Variants in SCAF4 observed in about 807,000 individuals in gnomAD.
SCAF4 encodes the protein SR-related CTD associated factor 4, also known as SR-related and CTD-associated factor 4.
A neutral mutation model predicts 129.8 loss-of-function variants in SCAF4; 25 were observed. The observed-to-expected ratio is 0.19, with a 90% CI of 0.14 to 0.27. The LOEUF is 0.27. SCAF4 is among the 10% of genes least tolerant of loss of function. The pLI, the probability that SCAF4 is intolerant of heterozygous loss-of-function variation, is 1.00. For missense variants in SCAF4, 1,246 were observed against 1,457.1 expected, an observed-to-expected ratio of 0.86 and a Z score of 2.36; for synonymous variants, 551 against 497.7, an observed-to-expected ratio of 1.11 and a Z score of -1.43.
In SCAF4 at chr21:31,722,796, T is replaced by C. The variant is rs149112861; in HGVS notation, c.30+8867A>G. Among the ~76,000 whole-genome samples, 64 of 152,028 alleles carry C rather than the reference T, an allele frequency of 4.2e-4. 2 individuals are homozygous for C. The highest frequency in any genetic ancestry group is 1.5e-3 in the African/African-American group (62 of 41,458). On this transcript the variant is annotated intron_variant, in intron 1 of 19. Coordinates refer to ENST00000286835, the MANE Select transcript of SCAF4 (RefSeq NM_020706.2). ...TGAGAAACCCCGTCTCTACTAAAAA[T>C]ACAAAAATTAGCCGGGTGTGGTGGC...
At chr21:31,676,669 T>G (rs1379743338) in intron 19 of SCAF4, among the ~76,000 whole-genome samples, 1 of 152,234 alleles carries the variant, frequency 6.6e-6, no homozygotes. Context: ...CTGTCTACTC[T>G]TAGTTGTTTT....
Position 31,696,223 on chromosome 21 carries a change from TA to T in SCAF4, c.960-3del, listed in dbSNP as rs2050382336. On this transcript the variant is annotated splice_polypyrimidine_tract_variant and splice_region_variant and intron_variant, in intron 8 of 19. Transcript: ENST00000286835. ...TGCATGCCATCTCCAGGAAAGCCAC[TA>T]AAAAAAGGTGGATAATCTTTTACCC... is the stretch of plus-strand genomic sequence containing the variant. 2.5e-6 allele frequency: 4 copies of T among 1,609,212 alleles called. No individual in the cohort carries two copies. Among genetic ancestry groups the T allele is most frequent in the African/African-American group, 1.3e-5 (1 of 74,590 alleles).
rs1412402866 is a variant in SCAF4, at chr21:31,694,243, A to G, written c.1283T>C (p.Met428Thr). 2 of 1,610,800 alleles carry G rather than the reference A, an allele frequency of 1.2e-6. No individual in the cohort carries two copies. The highest frequency in any genetic ancestry group is 1.7e-6 in the Non-Finnish European group (2 of 1,177,732). Residue 428 changes from methionine to threonine, a missense_variant, in exon 11 of 20, where the codon ATG becomes ACG. Met to Thr is a moderately conservative substitution (Grantham distance 81). This residue lies in a region of SCAF4 where 236 missense variants were observed against 210.0 expected (regional missense o/e 1.12). Transcript: ENST00000286835. ...QPCIQEVKRH[M>T]SDNRKSRSRS... ...AGATCTTGACTTTCTGTTATCAGAC[A>G]TATGTCGCTTAACCTCTTGAATACA...
Position 31,671,501 on chromosome 21 carries a change from A to C in SCAF4, c.3342T>G (p.Ser1114=). ...DTASELEKGV[S]EAAVLKPSEE... is the part of the protein sequence containing the mutation. ...CAGAAGGCTTTAGGACTGCAGCCTC[A>C]GACACCCCCTTCTCAAGTTCTGAAG... Residue 1114 remains serine (S), a synonymous_variant, in exon 20 of 20, where the codon TCT becomes TCG. Transcript: ENST00000286835. The C allele has an allele frequency of 1.2e-6, 2 of 1,614,188 alleles. No homozygotes were observed. The highest frequency in any genetic ancestry group is 1.7e-6 in the Non-Finnish European group (2 of 1,180,024).
chr21:31,731,536 C>T (rs1301524524), intron 1 of SCAF4, 127 bp downstream of exon 1: 1 of 1,157,674 alleles, frequency 8.6e-7, no homozygotes. Context: ...GCGCAGGCCC[C>T]GCCGCCCCGG....
intron 1 of SCAF4, among the ~76,000 whole-genome samples, chr21:31,722,046 A>G (rs1487292323): frequency 2.0e-5 from 3 of 152,178 alleles, no homozygotes; most frequent in Non-Finnish European, 4.4e-5. Flanking sequence ...TAAAAAACCC[A>G]GGGATAAAAT....
chr21:31,702,259 C>A lies in SCAF4; in HGVS notation c.442G>T (p.Val148Phe), dbSNP rs1319297343. 1.2e-6 allele frequency: 2 copies of A among 1,614,034 alleles called. No homozygotes were observed. The highest frequency in any genetic ancestry group is 2.2e-5 in the South Asian group (2 of 91,066). ...TSNAAPVAEN[V>F]TNNEGSPPPP... ...CTGACCATACCTTCATTATTGGTAA[C>A]ATTTTCTGCTACTGGGGCTGCATTA... The change falls in exon 5 of 20, where the codon GTT (valine) becomes TTT (phenylalanine). Residue 148 changes from valine (V) to phenylalanine (F), a missense_variant. Val to Phe is a conservative substitution (Grantham distance 50). Coordinates refer to ENST00000286835, the MANE Select transcript of SCAF4 (RefSeq NM_020706.2).
chr21:31,688,492 A>T, intron 15 of SCAF4, 28 bp from the exon 16 acceptor site: 1 of 1,575,568 alleles, frequency 6.3e-7, no homozygotes, highest in Non-Finnish European at 8.7e-7. Context: ...ATTTAACAAG[A>T]GTTTACCATT....
At chr21:31,677,239 G>C (rs1238634056) in intron 19 of SCAF4, among the ~76,000 whole-genome samples, 1 of 151,940 alleles carries the variant, frequency 6.6e-6, no homozygotes, top group African/African-American at 2.4e-5. Flanking sequence ...TTGTACCCTG[G>C]ATCTGTCCCC....
chr21:31,716,586 A>G (rs1200159234), intron 1 of SCAF4, among the ~76,000 whole-genome samples: 1 of 152,168 alleles, frequency 6.6e-6, no homozygotes, highest in Admixed American at 6.5e-5. Flanking sequence ...AGCACACGCT[A>G]AATTTCTTAA....
intron 1 of SCAF4, among the ~76,000 whole-genome samples, chr21:31,729,686 T>C (rs13052593): frequency 0.23 from 35,118 of 152,154 alleles, 4,595 homozygotes; most frequent in East Asian, 0.32. Context: ...GAGTTTTAAT[T>C]TAGCAGAAGA....
intron 1 of SCAF4, among the ~76,000 whole-genome samples, chr21:31,724,976 T>C (rs2051165772): frequency 6.6e-6 from 1 of 152,222 alleles, no homozygotes; most frequent in South Asian, 2.1e-4. Flanking sequence ...AATCACTTTA[T>C]CGCAATCACT....
chr21:31,719,591 G>T lies in SCAF4; in HGVS notation c.30+12072C>A, dbSNP rs952269019. Among the ~76,000 whole-genome samples the T allele has an allele frequency of 7.2e-5, 11 of 151,998 alleles. No individual in the cohort carries two copies. The East Asian group carries it at 1.9e-3, about 27-fold the overall frequency. On this transcript the variant is annotated intron_variant, in intron 1 of 19. Transcript: ENST00000286835. ...GTGATCTCAGCGCACCACAACCTCC[G>T]CCTCCTGGGTCTAAGCGAGTCTCCT...
chr21:31,723,135 T>C (rs2051111838), intron 1 of SCAF4, among the ~76,000 whole-genome samples: 1 of 152,224 alleles, frequency 6.6e-6, no homozygotes, highest in Non-Finnish European at 1.5e-5. Flanking sequence ...AAAAGTGCTC[T>C]TAACTGTAGG....
intron 1 of SCAF4, among the ~76,000 whole-genome samples, chr21:31,718,326 C>T (rs539747643): frequency 1.7e-3 from 254 of 152,260 alleles, no homozygotes; most frequent in African/African-American, 5.8e-3. Context: ...ATAAATTCCA[C>T]TTGCTTGTCA....
At position 31,671,979 on chromosome 21, in the gene SCAF4, G is replaced by T. The variant is rs368484072; in HGVS notation, c.2864C>A (p.Ala955Glu). The part of the protein sequence containing the change: ...QQPQQQPQPQ[A>E]PQQPQQQQQQ... Reference sequence around the variant, plus strand: ...CTGCTGCTGCTGTGGTTGCTGGGGCGCCTGCGGCTGTGGCTGCTGCTGTGG... The same window carrying T: ...CTGCTGCTGCTGTGGTTGCTGGGGCTCCTGCGGCTGTGGCTGCTGCTGTGG... The change falls in exon 20 of 20, where the codon GCG (alanine) becomes GAG (glutamate). Residue 955 changes from alanine (A) to glutamate (E), a missense_variant. Coordinates refer to ENST00000286835, the MANE Select transcript of SCAF4 (RefSeq NM_020706.2). 1 of 1,610,138 alleles carries T rather than the reference G, an allele frequency of 6.2e-7. No homozygotes were observed. The highest frequency in any genetic ancestry group is 1.1e-5 in the South Asian group (1 of 90,844).
In SCAF4 at chr21:31,696,676, G is replaced by C. The variant is rs775130360; in HGVS notation, c.852C>G (p.Ala284=). 3.7e-6 allele frequency: 6 copies of C among 1,613,824 alleles called. No homozygotes were observed. In the Admixed American group the frequency reaches 8.3e-5, roughly 22 times the overall value. Reference sequence around the variant, plus strand: ...CGGCAGCAGGTGCTGTCGTGGTGACGGCAGTGGTATCCTCTTTCTTTGATT... The same window carrying C: ...CGGCAGCAGGTGCTGTCGTGGTGACCGCAGTGGTATCCTCTTTCTTTGATT... The part of the protein sequence containing the change: ...VEESKKEDTT[A]VTTTAPAAAV... The change falls in exon 8 of 20, where the codon GCC becomes GCG. Residue 284 remains alanine, a synonymous_variant. Transcript: ENST00000286835.
chr21:31,719,472 T>C (rs1296186976), intron 1 of SCAF4, among the ~76,000 whole-genome samples: 2 of 152,200 alleles, frequency 1.3e-5, no homozygotes, highest in African/African-American at 2.4e-5. Context: ...AAACTTACTC[T>C]ATAAAGCATG....
chr21:31,724,232 A>C (rs372121630), intron 1 of SCAF4, among the ~76,000 whole-genome samples: 5 of 152,218 alleles, frequency 3.3e-5, no homozygotes, highest in African/African-American at 7.2e-5. Flanking sequence ...AATTACACTT[A>C]ATATTAACAC....
Sources: gnomAD v4.1 joint callset for allele counts (sites outside exome capture counted in the v4.1 genomes callset) on GRCh38, gnomAD v4.1.1 for gene constraint, gnomAD v4.1.1 regional missense constraint, MANE v1.5 for transcripts, NCBI Gene and HGNC (gene_info 2026-07-23, HGNC 2026-07-21) for gene names.